Variants in BBX observed in about 807,000 individuals in gnomAD.
The protein encoded by BBX is BBX high mobility group box domain containing.
A neutral mutation model predicts 100.2 loss-of-function variants in BBX; 30 were observed. The ratio of observed to expected loss-of-function variants is 0.30; its 90% CI spans 0.22 to 0.41. The LOEUF (loss-of-function observed/expected upper bound fraction) is 0.41, where lower values mean the gene tolerates loss of function less well. Among genes scored for constraint, BBX ranks in the 10% least tolerant of loss-of-function variants. The pLI, the probability that BBX is intolerant of heterozygous loss-of-function variation, is 1.00. For synonymous variants in BBX, 376 were observed against 388.1 expected (o/e 0.97, Z 0.37); for missense variants, 1,023 against 1,129.8 (o/e 0.91, Z 1.35).
At chr3:107,765,457 A>ATGTG (rs371357877) in intron 10 of BBX, among the ~76,000 whole-genome samples, 52 of 143,840 alleles carry the variant, frequency 3.6e-4, no homozygotes, top group Admixed American at 2.8e-4. Flanking sequence ...GTGGGTGTGT[A>ATGTG]TGTGTGTGTG....
At chr3:107,735,325 G>A (rs1435629215) in intron 7 of BBX, among the ~76,000 whole-genome samples, 2 of 152,022 alleles carry the variant, frequency 1.3e-5, no homozygotes, top group Non-Finnish European at 2.9e-5. Flanking sequence ...AAGACTAGCA[G>A]GATAATGAGA....
In BBX at chr3:107,706,135, G is replaced by GCCCCAGCCT. The variant is rs897099020; in HGVS notation, c.-9-4315_-9-4307dup. Reference sequence around the variant, plus strand: ...TCTCCTGGGTTCAAGCGATTCTCCTGCCCCAGCCTCGCGAGTAGCTGGGAC... The same window carrying GCCCCAGCCT: ...TCTCCTGGGTTCAAGCGATTCTCCTGCCCCAGCCTCCCCAGCCTCGCGAGTAGCTGGGAC... On this transcript the variant is annotated intron_variant, in intron 3 of 17. Coordinates refer to ENST00000325805, the MANE Select transcript of BBX (RefSeq NM_001142568.3). 3.3e-5 allele frequency among the ~76,000 whole-genome samples: 5 copies of GCCCCAGCCT among 149,658 alleles called. No homozygotes were observed. In the Admixed American group the frequency reaches 3.4e-4, roughly 10 times the overall value.
At chr3:107,604,453 T>C (rs1044128575) in intron 2 of BBX, among the ~76,000 whole-genome samples, 1 of 152,136 alleles carries the variant, frequency 6.6e-6, no homozygotes, top group African/African-American at 2.4e-5. Flanking sequence ...CTGGAATTGC[T>C]CTTGTTTGTC....
At chr3:107,610,899 T>A (rs1266151924) in intron 2 of BBX, among the ~76,000 whole-genome samples, 1 of 152,098 alleles carries the variant, frequency 6.6e-6, no homozygotes, top group Non-Finnish European at 1.5e-5. Context: ...ATTTTGTTAT[T>A]TGTTTTCTGG....
intron 2 of BBX, among the ~76,000 whole-genome samples, chr3:107,587,055 G>A (rs898008324): frequency 6.6e-6 from 1 of 151,934 alleles, no homozygotes. Context: ...GCGCCTGGCC[G>A]ATTCCACACT....
rs564399016 is a variant in BBX, at chr3:107,741,891, G to A, written c.670-2739G>A. Reference sequence around the variant, plus strand: ...TTTCTTATTTCTTTATCAAATTCATGTGTAGATCAGTGTATCCACAGATAT... The same window carrying A: ...TTTCTTATTTCTTTATCAAATTCATATGTAGATCAGTGTATCCACAGATAT... On this transcript the variant is annotated intron_variant, in intron 7 of 17. Coordinates refer to ENST00000325805, the MANE Select transcript of BBX (RefSeq NM_001142568.3). 2.6e-5 allele frequency among the ~76,000 whole-genome samples: 4 copies of A among 152,172 alleles called. No individual in the cohort carries two copies. The South Asian group carries it at 8.3e-4, about 32-fold the overall frequency.
At chr3:107,705,130 T>A (rs1357214894) in intron 3 of BBX, among the ~76,000 whole-genome samples, 1 of 152,186 alleles carries the variant, frequency 6.6e-6, no homozygotes, top group African/African-American at 2.4e-5. Context: ...TTCCACTATG[T>A]TACAGTGTCT....
intron 10 of BBX, among the ~76,000 whole-genome samples, chr3:107,769,010 C>CGGGGGGGGGTGGGAGG (rs2066627588): frequency 8.0e-6 from 1 of 125,026 alleles, no homozygotes; most frequent in Non-Finnish European, 1.6e-5. Context: ...TGGGGGGCGG[C>CGGGGGGGGGTGGGAGG]GGGGGGGGGG....
At chr3:107,630,766 G>A (rs2056496340) in intron 2 of BBX, among the ~76,000 whole-genome samples, 1 of 152,168 alleles carries the variant, frequency 6.6e-6, no homozygotes, top group Non-Finnish European at 1.5e-5. Context: ...TCGGGATGGG[G>A]TACTTGAGGA....
In BBX at chr3:107,781,671, C is replaced by T. The variant is rs563978134; in HGVS notation, c.2203+3152C>T. ...AGTTCTCTGTAGAATAGTAATTTTT[C>T]AGTGGAAGTAGGATCATGGAGAAAA... On this transcript the variant is annotated intron_variant, in intron 13 of 17. Coordinates refer to ENST00000325805, the MANE Select transcript of BBX (RefSeq NM_001142568.3). 2.0e-5 allele frequency among the ~76,000 whole-genome samples: 3 copies of T among 152,100 alleles called. No homozygotes were observed. In the South Asian group the frequency reaches 6.2e-4, roughly 32 times the overall value.
At chr3:107,539,505 C>G (rs1333913923) in intron 2 of BBX, among the ~76,000 whole-genome samples, 1 of 152,034 alleles carries the variant, frequency 6.6e-6, no homozygotes, top group South Asian at 2.1e-4. Context: ...GAAAGTGGAC[C>G]CAGTGGAGGG....
chr3:107,565,618 C>T (rs1044212504), intron 2 of BBX, among the ~76,000 whole-genome samples: 3 of 151,570 alleles, frequency 2.0e-5, no homozygotes, highest in African/African-American at 7.3e-5. Flanking sequence ...TACAGATGCC[C>T]ACCACCATGC....
chr3:107,805,696 C>T lies in BBX; in HGVS notation c.*239C>T, dbSNP rs2071017554. 1 of 652,096 alleles carries T rather than the reference C, an allele frequency of 1.5e-6. No homozygotes were observed. The highest frequency in any genetic ancestry group is 2.4e-6 in the Non-Finnish European group (1 of 420,396). 40.4% of individuals were successfully genotyped at this position (652,096 alleles called of 1,614,324 possible). ...GATACTGAGCAGAAACAGAATGATC[C>T]TGGAGCTTTGCTTTCTATTGAAGGC... On this transcript the variant is annotated 3_prime_UTR_variant, in exon 18 of 18. Coordinates refer to ENST00000325805, the MANE Select transcript of BBX (RefSeq NM_001142568.3).
chr3:107,811,174 ATATT>A lies in BBX; in HGVS notation c.*5720_*5723del, dbSNP rs1272182142. ...ACTGTGATCTTAAAACTGAATAAAA[ATATT>A]TAATAAAACTTTGAAATATTTTAAA... On this transcript the variant is annotated 3_prime_UTR_variant, in exon 18 of 18. Coordinates refer to ENST00000325805, the MANE Select transcript of BBX (RefSeq NM_001142568.3). The A allele has an allele frequency of 6.6e-6, 1 of 152,244 alleles. No homozygotes were observed. The highest frequency in any genetic ancestry group is 2.4e-5 in the African/African-American group (1 of 41,466). The allele number at this position is 152,244 out of a possible 1,614,324, so 9.4% of individuals were successfully genotyped here.
At chr3:107,692,281 G>T (rs996883528) in intron 3 of BBX, among the ~76,000 whole-genome samples, 1 of 151,632 alleles carries the variant, frequency 6.6e-6, no homozygotes, top group Admixed American at 6.6e-5. Context: ...TGCCATGCTG[G>T]TGCGCTGCAC....
rs1343766409 is a variant in BBX at position 107,810,704 on chromosome 3, T to A, written c.*5247T>A. On this transcript the variant is annotated 3_prime_UTR_variant, in exon 18 of 18. Transcript: ENST00000325805. Reference sequence around the variant, plus strand: ...AGCTCAGCAACTGGCTCAGCAACGTTTTCTCCATTTCATTAGCACTAAACA... The same window carrying A: ...AGCTCAGCAACTGGCTCAGCAACGTATTCTCCATTTCATTAGCACTAAACA... 9.2e-5 allele frequency: 14 copies of A among 152,202 alleles called. No homozygotes were observed. The highest frequency in any genetic ancestry group is 8.5e-4 in the Admixed American group (13 of 15,284). 9.4% of individuals were successfully genotyped at this position (152,202 alleles called of 1,614,324 possible). A position where few individuals can be genotyped will look rare whatever the true frequency, so the allele number is the denominator to read the frequency against.
At chr3:107,540,569 A>G (rs2048797026) in intron 2 of BBX, among the ~76,000 whole-genome samples, 1 of 152,210 alleles carries the variant, frequency 6.6e-6, no homozygotes, top group Non-Finnish European at 1.5e-5. Context: ...GAATTATGTC[A>G]TATGTAGATA....
chr3:107,748,255 T>C (rs1427115716), intron 9 of BBX, among the ~76,000 whole-genome samples: 1 of 152,228 alleles, frequency 6.6e-6, no homozygotes, highest in African/African-American at 2.4e-5. Flanking sequence ...TAAGTATTCA[T>C]TAAAGAGTTC....
chr3:107,560,054 T>C (rs979849530), intron 2 of BBX, among the ~76,000 whole-genome samples: 5 of 152,160 alleles, frequency 3.3e-5, no homozygotes, highest in African/African-American at 1.2e-4. Context: ...AGGATTAGAA[T>C]TCTTGGTCTC....
Sources: gnomAD v4.1 joint callset for allele counts (sites outside exome capture counted in the v4.1 genomes callset) on GRCh38, gnomAD v4.1.1 for gene constraint, MANE v1.5 for transcripts, NCBI Gene and HGNC (gene_info 2026-07-23, HGNC 2026-07-21) for gene names.